PDSS2: variants seen among roughly 807,000 people sequenced by gnomAD.
PDSS2 encodes decaprenyl diphosphate synthase subunit 2, also known as all trans-polyprenyl-diphosphate synthase PDSS2.
PDSS2 carries 31 observed loss-of-function variants against 44.5 expected under a neutral mutation model. The ratio of observed to expected loss-of-function variants is 0.70; its 90% CI spans 0.52 to 0.94. The LOEUF (loss-of-function observed/expected upper bound fraction) is 0.94, where lower values mean the gene tolerates loss of function less well. Ranked by LOEUF, PDSS2 falls within the 40% of genes least tolerant of loss-of-function variation. The pLI is 0.00. For synonymous variants in PDSS2, 157 were observed against 180.3 expected, an observed-to-expected ratio of 0.87 and a Z score of 1.03; for missense variants, 452 against 482.2, an observed-to-expected ratio of 0.94 and a Z score of 0.59.
intron 2 of PDSS2, among the ~76,000 whole-genome samples, chr6:107,291,008 TAA>T (rs201486844): frequency 0.024 from 3,393 of 143,154 alleles, 127 homozygotes; most frequent in African/African-American, 0.082. Context: ...CTCAAACCGT[TAA>T]AAAAAAAAAA....
At chr6:107,185,853 C>T (rs1416954779) in intron 7 of PDSS2, among the ~76,000 whole-genome samples, 3 of 152,190 alleles carry the variant, frequency 2.0e-5, no homozygotes, top group Admixed American at 1.3e-4. Flanking sequence ...AGAGCTGGAA[C>T]AGTCTGAGAT....
chr6:107,253,417 G>T (rs1376099506), intron 3 of PDSS2, among the ~76,000 whole-genome samples: 6 of 152,182 alleles, frequency 3.9e-5, no homozygotes, highest in Non-Finnish European at 8.8e-5. Flanking sequence ...TTTTTGCAGT[G>T]TTTTTAAATT....
Position 107,268,855 on chromosome 6 carries a change from G to C in PDSS2, c.630+5174C>G, listed in dbSNP as rs191171764. Among the ~76,000 whole-genome samples, 331 of 152,168 alleles carry C rather than the reference G, an allele frequency of 2.2e-3. 2 individuals are homozygous for C. The highest frequency in any genetic ancestry group is 7.8e-3 in the African/African-American group (323 of 41,528). On this transcript the variant is annotated intron_variant, in intron 3 of 7. Coordinates refer to ENST00000369037, the MANE Select transcript of PDSS2 (RefSeq NM_020381.4). ...AGGACATAATTCTAATTTTAAAAATGTTGAACAGTATAAATATTTCAGCCC... is the reference window on the plus strand; with the variant it reads ...AGGACATAATTCTAATTTTAAAAATCTTGAACAGTATAAATATTTCAGCCC...
intron 6 of PDSS2, among the ~76,000 whole-genome samples, chr6:107,195,978 T>G (rs1274623176): frequency 6.6e-6 from 1 of 152,220 alleles, no homozygotes; most frequent in East Asian, 1.9e-4. Context: ...ACAAAAGGCC[T>G]CTGCAACCAA....
At chr6:107,425,078 TACG>T (rs1331118686) in intron 1 of PDSS2, among the ~76,000 whole-genome samples, 1 of 152,194 alleles carries the variant, frequency 6.6e-6, no homozygotes, top group Non-Finnish European at 1.5e-5. Context: ...ACCATCCATG[TACG>T]ATGTGCCTTG....
At chr6:107,218,046 T>C (rs1773474115) in intron 4 of PDSS2, among the ~76,000 whole-genome samples, 1 of 152,198 alleles carries the variant, frequency 6.6e-6, no homozygotes, top group South Asian at 2.1e-4. Flanking sequence ...GCGGATGAAC[T>C]CTCTCAAAGA....
intron 1 of PDSS2, among the ~76,000 whole-genome samples, chr6:107,436,917 C>T (rs1230157463): frequency 6.6e-6 from 1 of 152,006 alleles, no homozygotes; most frequent in East Asian, 1.9e-4. Context: ...CATTAATTTA[C>T]TACGACAGAT....
intron 1 of PDSS2, among the ~76,000 whole-genome samples, chr6:107,407,835 G>T (rs929376499): frequency 6.6e-6 from 1 of 151,930 alleles, no homozygotes; most frequent in Non-Finnish European, 1.5e-5. Context: ...AAGTAGGTGG[G>T]ATTACAGGTG....
chr6:107,207,386 A>G (rs1773018380), intron 6 of PDSS2, among the ~76,000 whole-genome samples: 2 of 152,158 alleles, frequency 1.3e-5, no homozygotes, highest in African/African-American at 4.8e-5. Flanking sequence ...AAAGATATCC[A>G]GGAGGGTAAA....
intron 2 of PDSS2, among the ~76,000 whole-genome samples, chr6:107,298,921 C>T (rs1245080582): frequency 6.6e-6 from 1 of 152,004 alleles, no homozygotes; most frequent in Admixed American, 6.5e-5. Flanking sequence ...GCAGGCGAAT[C>T]GCCTGAGCTC....
chr6:107,380,624 T>C (rs1276409254), intron 1 of PDSS2, among the ~76,000 whole-genome samples: 1 of 152,160 alleles, frequency 6.6e-6, no homozygotes, highest in Non-Finnish European at 1.5e-5. Flanking sequence ...TCTCAAGTTA[T>C]CCAGATTCAG....
intron 7 of PDSS2, among the ~76,000 whole-genome samples, chr6:107,169,391 T>C (rs6568469): frequency 1 from 152,169 of 152,174 alleles, 76,082 homozygotes; most frequent in Non-Finnish European, 1. Flanking sequence ...AATCTTTTTT[T>C]AAGGTTTTTA....
chr6:107,288,980 G>A (rs1358177400), intron 2 of PDSS2, among the ~76,000 whole-genome samples: 5 of 149,902 alleles, frequency 3.3e-5, no homozygotes, highest in Non-Finnish European at 7.4e-5. Context: ...GGCTGGTCTC[G>A]AACTGCTCAC....
intron 3 of PDSS2, among the ~76,000 whole-genome samples, chr6:107,256,573 A>T (rs988346267): frequency 3.3e-5 from 5 of 152,196 alleles, no homozygotes; most frequent in Non-Finnish European, 5.9e-5. Flanking sequence ...TGTGCCTTAA[A>T]ATCCATGCAA....
intron 2 of PDSS2, among the ~76,000 whole-genome samples, chr6:107,319,030 ACACACACACACAC>A (rs1777300722): frequency 6.6e-6 from 1 of 151,470 alleles, no homozygotes; most frequent in Non-Finnish European, 1.5e-5. Context: ...ACACACATAC[ACACACACACACAC>A]TACACACACA....
chr6:107,429,423 T>C (rs181192500), intron 1 of PDSS2, among the ~76,000 whole-genome samples: 50 of 152,318 alleles, frequency 3.3e-4, no homozygotes, highest in Admixed American at 7.8e-4. Flanking sequence ...TTTCAAGGTT[T>C]GGTAGACATA....
chr6:107,224,277 A>T (rs996878902), intron 4 of PDSS2, among the ~76,000 whole-genome samples: 1 of 151,276 alleles, frequency 6.6e-6, no homozygotes, highest in Non-Finnish European at 1.5e-5. Flanking sequence ...TAAAACCGTA[A>T]TTTTCTTCAG....
chr6:107,167,603 T>C (rs1400277755), intron 7 of PDSS2, among the ~76,000 whole-genome samples: 1 of 152,220 alleles, frequency 6.6e-6, no homozygotes, highest in East Asian at 1.9e-4. Flanking sequence ...CTGCTTTCTC[T>C]TGTGGGCATT....
intron 2 of PDSS2, among the ~76,000 whole-genome samples, chr6:107,313,646 G>A (rs192804306): frequency 2.0e-5 from 3 of 151,812 alleles, no homozygotes; most frequent in African/African-American, 4.8e-5. Flanking sequence ...GAGCCACCAC[G>A]CCCGGCCCTA....
Sources: allele counts gnomAD v4.1 joint callset (sites outside exome capture counted in the v4.1 genomes callset), GRCh38; gene constraint gnomAD v4.1.1; transcripts MANE v1.5; gene names NCBI Gene and HGNC (gene_info 2026-07-23, HGNC 2026-07-21).